PDE11A: variants seen among roughly 807,000 people sequenced by gnomAD.
PDE11A encodes dual 3',5'-cyclic-AMP and -GMP phosphodiesterase 11A.
In PDE11A, 100 loss-of-function variants were observed where a neutral mutation model predicts 100.5. That is an observed-to-expected ratio of 1.00 (90% CI 0.85 to 1.18). The LOEUF (loss-of-function observed/expected upper bound fraction) is 1.18, where lower values mean the gene tolerates loss of function less well. Ranked by LOEUF, PDE11A falls within the 50% of genes most tolerant of loss-of-function variation. The pLI is 0.00. For synonymous variants in PDE11A, 381 were observed against 420.8 expected (o/e 0.91, Z 1.16); for missense variants, 1,141 against 1,152.6 (o/e 0.99, Z 0.15).
chr2:177,840,289 T>C lies in PDE11A; in HGVS notation c.1462A>G (p.Ile488Val). The change falls in exon 6 of 20, where the codon ATC (isoleucine) becomes GTC (valine). Residue 488 changes from isoleucine to valine, a missense_variant. Physicochemically the swap from Ile to Val is conservative, Grantham distance 29. Transcript: ENST00000286063. ...LVASTGLPVN[I>V]SDAYQDPRFD... The stretch of plus-strand genomic sequence containing the variant: ...CGCGGATCCTGGTAGGCATCACTGA[T>C]GTTCACTGGAAGGCCTGTTGAAGCA... 1.2e-6 allele frequency: 2 copies of C among 1,614,146 alleles called. No homozygotes were observed. Among genetic ancestry groups the C allele is most frequent in the Non-Finnish European group, 1.7e-6 (2 of 1,179,984 alleles).
chr2:177,726,267 C>G (rs1057386412), intron 12 of PDE11A, among the ~76,000 whole-genome samples: 5 of 152,052 alleles, frequency 3.3e-5, no homozygotes, highest in African/African-American at 1.2e-4. Flanking sequence ...AGCACAAGTC[C>G]CTAGTATAAA....
chr2:177,652,642 G>C (rs1306946633), intron 19 of PDE11A, among the ~76,000 whole-genome samples: 1 of 152,164 alleles, frequency 6.6e-6, no homozygotes, highest in Non-Finnish European at 1.5e-5. Context: ...ACTGGGATCA[G>C]AGTGGAGGCA....
intron 6 of PDE11A, among the ~76,000 whole-genome samples, chr2:177,834,834 T>C (rs955910363): frequency 6.6e-6 from 1 of 152,172 alleles, no homozygotes; most frequent in Non-Finnish European, 1.5e-5. Flanking sequence ...ATAGGGAGCT[T>C]TTCTATGCAA....
At chr2:177,794,642 A>T (rs1297135148) in intron 9 of PDE11A, among the ~76,000 whole-genome samples, 3 of 152,130 alleles carry the variant, frequency 2.0e-5, no homozygotes, top group Admixed American at 1.3e-4. Context: ...CATGAGCCAG[A>T]TCTTTTTCTT....
upstream of PDE11A, among the ~76,000 whole-genome samples, chr2:178,077,030 G>A (rs946830273): frequency 2.0e-5 from 3 of 152,208 alleles, no homozygotes; most frequent in Non-Finnish European, 4.4e-5. Flanking sequence ...GTTTCAAGAG[G>A]GAGTGTTGCA....
At chr2:177,659,225 C>T (rs1262324565) in intron 19 of PDE11A, among the ~76,000 whole-genome samples, 1 of 144,178 alleles carries the variant, frequency 6.9e-6, no homozygotes, top group Admixed American at 7.2e-5. Flanking sequence ...CAAGCCATTG[C>T]ACTCCAGCCT....
chr2:177,898,578 C>A (rs763808713), intron 3 of PDE11A, among the ~76,000 whole-genome samples: 111 of 152,272 alleles, frequency 7.3e-4, no homozygotes, highest in Non-Finnish European at 1.4e-3. Context: ...TTCTTCCTTA[C>A]CAAAATTGTT....
intron 2 of PDE11A, among the ~76,000 whole-genome samples, chr2:177,963,399 A>G (rs2085659819): frequency 6.6e-6 from 1 of 152,200 alleles, no homozygotes; most frequent in Admixed American, 6.5e-5. Context: ...TCCATGGAGA[A>G]TTATGAGATA....
At chr2:177,979,086 A>AG (rs2085844990) in intron 2 of PDE11A, among the ~76,000 whole-genome samples, 1 of 147,144 alleles carries the variant, frequency 6.8e-6, no homozygotes, top group African/African-American at 2.5e-5. Context: ...ATAAAAAAAA[A>AG]AAAAAAAAGA....
intron 5 of PDE11A, among the ~76,000 whole-genome samples, chr2:177,857,351 T>C (rs1392130864): frequency 1.3e-5 from 2 of 151,888 alleles, no homozygotes; most frequent in Non-Finnish European, 2.9e-5. Context: ...TGAATCCACA[T>C]GAAGAATAAA....
Position 177,680,885 on chromosome 2 carries a change from A to G in PDE11A, c.2364T>C (p.Phe788=). The change falls in exon 16 of 20, where the codon TTT becomes TTC. Residue 788 remains phenylalanine (F), a synonymous_variant. Transcript: ENST00000286063. The part of the protein sequence containing the change: ...TLYFERRTEF[F]ELVSKGEYDW... ...CGTATTCTCCTTTACTGACAAGTTC[A>G]AAGAATTCAGTTCTCCTCCTGCAGG... 1.3e-6 allele frequency: 2 copies of G among 1,585,624 alleles called. No individual in the cohort carries two copies. The highest frequency in any genetic ancestry group is 1.3e-5 in the African/African-American group (1 of 74,410).
chr2:177,903,279 C>A (rs1394049895), intron 3 of PDE11A, among the ~76,000 whole-genome samples: 1 of 152,158 alleles, frequency 6.6e-6, no homozygotes, highest in Non-Finnish European at 1.5e-5. Context: ...TAGATCATGT[C>A]CTTATACAGA....
chr2:178,004,772 C>T (rs1323131718), intron 2 of PDE11A, among the ~76,000 whole-genome samples: 2 of 152,068 alleles, frequency 1.3e-5, no homozygotes, highest in African/African-American at 4.8e-5. Flanking sequence ...CCTTACCCCC[C>T]AAACTTTTCC....
chr2:177,633,145 C>T (rs2079981544), intron 19 of PDE11A, among the ~76,000 whole-genome samples: 1 of 152,166 alleles, frequency 6.6e-6, no homozygotes. Flanking sequence ...GGGTTATATC[C>T]CTGGTCCCGT....
intron 9 of PDE11A, among the ~76,000 whole-genome samples, chr2:177,807,551 G>A (rs1374181175): frequency 6.6e-6 from 1 of 152,048 alleles, no homozygotes; most frequent in Non-Finnish European, 1.5e-5. Context: ...CTCCCAAGTA[G>A]CTAGGACTAC....
chr2:177,970,461 A>G (rs1214331421), intron 2 of PDE11A, among the ~76,000 whole-genome samples: 1 of 152,052 alleles, frequency 6.6e-6, no homozygotes, highest in Admixed American at 6.6e-5. Flanking sequence ...AGAATAAAGG[A>G]TGATGCCAAT....
At chr2:177,720,399 G>A (rs1460205295) in intron 12 of PDE11A, among the ~76,000 whole-genome samples, 1 of 152,016 alleles carries the variant, frequency 6.6e-6, no homozygotes, top group African/African-American at 2.4e-5. Flanking sequence ...AAGCATAAGG[G>A]GAAGAACAGG....
chr2:177,849,293 G>T (rs2083657187), intron 5 of PDE11A, among the ~76,000 whole-genome samples: 1 of 152,172 alleles, frequency 6.6e-6, no homozygotes, highest in African/African-American at 2.4e-5. Context: ...TGTGATAAAT[G>T]GCCTAATGGA....
intron 5 of PDE11A, among the ~76,000 whole-genome samples, chr2:177,861,964 C>G (rs1436467923): frequency 6.6e-6 from 1 of 151,844 alleles, no homozygotes; most frequent in African/African-American, 2.4e-5. Context: ...ATAATCAGCT[C>G]TTAGAAGAAC....
Sources: allele counts gnomAD v4.1 joint callset (sites outside exome capture counted in the v4.1 genomes callset), GRCh38; gene constraint gnomAD v4.1.1; transcripts MANE v1.5; gene names NCBI Gene and HGNC (gene_info 2026-07-23, HGNC 2026-07-21).